LRBA: variants seen among roughly 807,000 people sequenced by gnomAD.
The protein encoded by LRBA is LPS responsive beige-like anchor protein, also known as lipopolysaccharide-responsive and beige-like anchor protein.
Under a neutral mutation model 330.0 loss-of-function variants are expected in LRBA, and 176 were observed. The observed-to-expected ratio is 0.53, with a 90% CI of 0.47 to 0.60. The LOEUF (loss-of-function observed/expected upper bound fraction) is 0.60. Ranked by LOEUF, LRBA falls within the 20% of genes least tolerant of loss-of-function variation. LRBA has a pLI of 0.00. For missense variants in LRBA, 3,259 were observed against 3,444.8 expected (o/e 0.95, Z 1.35); for synonymous variants, 1,230 against 1,193.0 (o/e 1.03, Z -0.64).
At chr4:150,796,027 T>C (rs1178086871) in intron 34 of LRBA, among the ~76,000 whole-genome samples, 1 of 151,942 alleles carries the variant, frequency 6.6e-6, no homozygotes, top group African/African-American at 2.4e-5. Context: ...GATTAAAAAG[T>C]AGTTTTTGAC....
chr4:150,707,493 A>C (rs1785743982), intron 36 of LRBA, among the ~76,000 whole-genome samples: 1 of 151,744 alleles, frequency 6.6e-6, no homozygotes, highest in Admixed American at 6.6e-5. Flanking sequence ...GAGTTTAAAA[A>C]TGGAAGGGTC....
rs527720888 is a variant in LRBA, at chr4:150,584,197, C to A, written c.6330+3851G>T. The A allele has an allele frequency of 1.1e-5, 15 of 1,379,176 alleles. No individual in the cohort carries two copies. In the South Asian group the frequency reaches 2.6e-4, roughly 24 times the overall value. 85.4% of individuals were successfully genotyped at this position (1,379,176 alleles called of 1,614,324 possible). A position where few individuals can be genotyped will look rare whatever the true frequency, so the allele number is the denominator to read the frequency against. The stretch of plus-strand genomic sequence containing the variant: ...CTATAAACAGCAGAAACTCTGGACA[C>A]AAACTTTTATGTAAGTCACCTGAAA... On this transcript the variant is annotated intron_variant, in intron 40 of 56. Coordinates refer to ENST00000651943, the MANE Select transcript of LRBA (RefSeq NM_001364905.1).
intron 35 of LRBA, among the ~76,000 whole-genome samples, chr4:150,742,105 G>A (rs1732062234): frequency 6.6e-6 from 1 of 150,548 alleles, no homozygotes; most frequent in African/African-American, 2.4e-5. Context: ...ACATAGAGCG[G>A]GCAGGGATAG....
chr4:150,993,999 A>T (rs1232163920), intron 2 of LRBA, among the ~76,000 whole-genome samples: 2 of 149,588 alleles, frequency 1.3e-5, no homozygotes, highest in Non-Finnish European at 3.0e-5. Context: ...TGGGAGGCAG[A>T]GGTTGCAGTG....
chr4:150,310,473 T>G lies in LRBA; in HGVS notation c.7694-89A>C, dbSNP rs531393712. 2.7e-5 allele frequency: 21 copies of G among 787,538 alleles called. No homozygotes were observed. In the African/African-American group the frequency reaches 3.6e-4, roughly 14 times the overall value. The allele number at this position is 787,538 out of a possible 1,614,324, so 48.8% of individuals were successfully genotyped here. On this transcript the variant is annotated intron_variant, in intron 51 of 56. Coordinates refer to ENST00000651943, the MANE Select transcript of LRBA (RefSeq NM_001364905.1). ...GGAGAAGAGGAGACACATTCCCAGATAAGAGTACTTGATCCTTAATTCTAA... is the reference window on the plus strand; with the variant it reads ...GGAGAAGAGGAGACACATTCCCAGAGAAGAGTACTTGATCCTTAATTCTAA...
At chr4:150,809,925 GATACGATA>G (rs1560850486) in intron 31 of LRBA, among the ~76,000 whole-genome samples, 2 of 109,130 alleles carry the variant, frequency 1.8e-5, no homozygotes, top group Non-Finnish European at 4.0e-5. Flanking sequence ...GATACGATAC[GATACGATA>G]CTTCCCTCTG....
chr4:151,005,068 A>T (rs1450159191), intron 2 of LRBA, among the ~76,000 whole-genome samples: 1 of 151,996 alleles, frequency 6.6e-6, no homozygotes, highest in Non-Finnish European at 1.5e-5. Context: ...GTCAAGAAAG[A>T]TGTTAAACTT....
At chr4:150,750,266 C>T (rs558117832) in intron 35 of LRBA, among the ~76,000 whole-genome samples, 1 of 152,264 alleles carries the variant, frequency 6.6e-6, no homozygotes, top group African/African-American at 2.4e-5. Flanking sequence ...GACTTATTCA[C>T]AGCTATATCC....
At chr4:150,662,340 G>T (rs2126830359) in intron 37 of LRBA, among the ~76,000 whole-genome samples, 1 of 152,284 alleles carries the variant, frequency 6.6e-6, no homozygotes, top group African/African-American at 2.4e-5. Flanking sequence ...GTACGAGAAG[G>T]ATATTACATG....
intron 55 of LRBA, among the ~76,000 whole-genome samples, chr4:150,281,083 C>G (rs1424409310): frequency 6.6e-6 from 1 of 152,152 alleles, no homozygotes; most frequent in African/African-American, 2.4e-5. Context: ...TCCCAGAGCC[C>G]CTGGTACTAA....
chr4:150,853,047 A>G, intron 22 of LRBA, 104 bp from the exon 23 acceptor site: 1 of 489,306 alleles, frequency 2.0e-6, no homozygotes, highest in Non-Finnish European at 3.3e-6. Context: ...ATATAATACA[A>G]TAAAACTTAA....
chr4:150,579,836 C>A (rs1473601090), intron 40 of LRBA: 3 of 399,444 alleles, frequency 7.5e-6, no homozygotes, highest in African/African-American at 2.1e-5. Flanking sequence ...GGGAGCGTCG[C>A]GGGCCGGGCC....
intron 2 of LRBA, among the ~76,000 whole-genome samples, chr4:150,975,451 G>A (rs563973072): frequency 2.0e-5 from 3 of 151,736 alleles, no homozygotes; most frequent in South Asian, 2.1e-4. Context: ...CCTTGAACCC[G>A]GGAGACGGAG....
chr4:150,427,138 G>A (rs1226868009), intron 46 of LRBA, among the ~76,000 whole-genome samples: 4 of 151,792 alleles, frequency 2.6e-5, no homozygotes, highest in African/African-American at 9.7e-5. Flanking sequence ...ATCTAAGAAC[G>A]CATTAATGAA....
At chr4:150,415,015 G>A (rs1356613771) in intron 47 of LRBA, among the ~76,000 whole-genome samples, 1 of 152,060 alleles carries the variant, frequency 6.6e-6, no homozygotes, top group African/African-American at 2.4e-5. Flanking sequence ...AATATTACAC[G>A]AAGATTTCCT....
At chr4:150,780,512 G>A (rs2126587225) in intron 34 of LRBA, among the ~76,000 whole-genome samples, 1 of 151,518 alleles carries the variant, frequency 6.6e-6, no homozygotes, top group South Asian at 2.1e-4. Context: ...GACTTTCCTG[G>A]TGTACAGAAA....
At chr4:150,451,710 T>G (rs1009167785) in intron 44 of LRBA, among the ~76,000 whole-genome samples, 2 of 151,928 alleles carry the variant, frequency 1.3e-5, no homozygotes, top group Non-Finnish European at 2.9e-5. Flanking sequence ...GCAAAGATCA[T>G]AGGAATTGAA....
chr4:150,924,127 A>G (rs1446217508), intron 4 of LRBA, among the ~76,000 whole-genome samples: 2 of 152,218 alleles, frequency 1.3e-5, no homozygotes, highest in Non-Finnish European at 2.9e-5. Context: ...TTTCCTATAA[A>G]TCAGTCAACA....
intron 37 of LRBA, among the ~76,000 whole-genome samples, chr4:150,672,509 G>A (rs1265706369): frequency 6.6e-6 from 1 of 151,788 alleles, no homozygotes; most frequent in Admixed American, 6.6e-5. Context: ...AATAATTGTA[G>A]AAAAGCAATT....
Sources: gnomAD v4.1 joint callset for allele counts (sites outside exome capture counted in the v4.1 genomes callset) on GRCh38, gnomAD v4.1.1 for gene constraint, MANE v1.5 for transcripts, NCBI Gene and HGNC (gene_info 2026-07-23, HGNC 2026-07-21) for gene names.